MAGI2: variants seen among roughly 807,000 people sequenced by gnomAD.
MAGI2 encodes the protein membrane-associated guanylate kinase, WW and PDZ domain-containing protein 2.
MAGI2 carries 35 observed loss-of-function variants against 133.3 expected under a neutral mutation model. The observed-to-expected ratio is 0.26, with a 90% confidence interval of 0.20 to 0.35. The LOEUF (loss-of-function observed/expected upper bound fraction) is 0.35, where lower values mean the gene tolerates loss of function less well. Among genes scored for constraint, MAGI2 ranks in the 10% least tolerant of loss-of-function variants. MAGI2 has a pLI of 1.00. For synonymous variants in MAGI2, 729 were observed against 710.6 expected (o/e 1.03, Z -0.41); for missense variants, 1,636 against 1,863.4 (o/e 0.88, Z 2.25).
At chr7:79,103,425 G>C (rs1818164491) in intron 1 of MAGI2, among the ~76,000 whole-genome samples, 1 of 151,956 alleles carries the variant, frequency 6.6e-6, no homozygotes, top group African/African-American at 2.4e-5. Flanking sequence ...TAAAGCATAG[G>C]GTTGATTGTA....
intron 1 of MAGI2, among the ~76,000 whole-genome samples, chr7:79,358,579 T>C (rs1386767229): frequency 6.6e-6 from 1 of 152,034 alleles, no homozygotes; most frequent in Admixed American, 6.6e-5. Flanking sequence ...AATGACCCAG[T>C]CTAGAAAACT....
At chr7:79,307,718 G>T (rs1272708316) in intron 1 of MAGI2, among the ~76,000 whole-genome samples, 1 of 152,168 alleles carries the variant, frequency 6.6e-6, no homozygotes, top group Non-Finnish European at 1.5e-5. Flanking sequence ...TTGGTTAAAA[G>T]AATGTGGCCT....
At chr7:78,361,733 A>T (rs188350185) in intron 7 of MAGI2, among the ~76,000 whole-genome samples, 2 of 152,328 alleles carry the variant, frequency 1.3e-5, no homozygotes, top group African/African-American at 4.8e-5. Flanking sequence ...AAGGTTGTTG[A>T]TAAGATGTAA....
chr7:78,268,144 TTTC>T, intron 9 of MAGI2, among the ~76,000 whole-genome samples: 1 of 152,166 alleles, frequency 6.6e-6, no homozygotes, highest in East Asian at 1.9e-4. Flanking sequence ...ACAATGAAAA[TTTC>T]TTGCTTTTTA....
At chr7:79,279,790 T>C (rs2129557847) in intron 1 of MAGI2, among the ~76,000 whole-genome samples, 1 of 152,314 alleles carries the variant, frequency 6.6e-6, no homozygotes, top group African/African-American at 2.4e-5. Flanking sequence ...TCAGTTCAAA[T>C]TACGTGACAT....
chr7:78,921,741 C>G (rs1225814340), intron 2 of MAGI2, among the ~76,000 whole-genome samples: 1 of 151,946 alleles, frequency 6.6e-6, no homozygotes, highest in African/African-American at 2.4e-5. Context: ...AAGCGATTCT[C>G]ATGCCTCAGC....
At chr7:79,431,879 T>C (rs112364760) in intron 1 of MAGI2, among the ~76,000 whole-genome samples, 3,078 of 152,280 alleles carry the variant, frequency 0.02, 50 homozygotes, top group Middle Eastern at 0.051. Flanking sequence ...TGTAGACTTT[T>C]AAGTCAGGCA....
chr7:78,602,676 T>C (rs982549123), intron 3 of MAGI2, among the ~76,000 whole-genome samples: 9 of 152,234 alleles, frequency 5.9e-5, no homozygotes, highest in Middle Eastern at 3.4e-3. Context: ...GTATGTAAGA[T>C]TGGCCACATT....
intron 6 of MAGI2, among the ~76,000 whole-genome samples, chr7:78,446,478 A>G (rs945884516): frequency 6.6e-6 from 1 of 152,146 alleles, no homozygotes; most frequent in Non-Finnish European, 1.5e-5. Context: ...ACTTGTCCAT[A>G]TATACCACTG....
At chr7:78,440,541 G>A (rs1440556183) in intron 6 of MAGI2, among the ~76,000 whole-genome samples, 1 of 152,172 alleles carries the variant, frequency 6.6e-6, no homozygotes, top group Non-Finnish European at 1.5e-5. Context: ...AAACAGACCT[G>A]ATGCCTAGCT....
At chr7:78,022,088 G>A (rs1183178437) in intron 21 of MAGI2, among the ~76,000 whole-genome samples, 1 of 152,168 alleles carries the variant, frequency 6.6e-6, no homozygotes, top group Non-Finnish European at 1.5e-5. Flanking sequence ...GGTATCCTTG[G>A]TTACCTTAAG....
intron 9 of MAGI2, among the ~76,000 whole-genome samples, chr7:78,303,536 T>C (rs149259402): frequency 1.3e-5 from 2 of 152,258 alleles, no homozygotes; most frequent in African/African-American, 2.4e-5. Context: ...AATGAAAGCG[T>C]TGGAACTGTC....
chr7:78,233,113 A>C (rs555119856), intron 10 of MAGI2, among the ~76,000 whole-genome samples: 29 of 152,216 alleles, frequency 1.9e-4, no homozygotes, highest in Admixed American at 1.0e-3. Flanking sequence ...TCTAGAGGCC[A>C]TGGAGAACCA....
intron 2 of MAGI2, among the ~76,000 whole-genome samples, chr7:78,971,521 T>A (rs1411057630): frequency 1.3e-5 from 2 of 152,032 alleles, no homozygotes; most frequent in African/African-American, 4.8e-5. Flanking sequence ...CCCAGTTAAT[T>A]TGCATTTCAC....
At position 79,039,421 on chromosome 7, in the gene MAGI2, T is replaced by C. The variant is rs184826585; in HGVS notation, c.302-32215A>G. On this transcript the variant is annotated intron_variant, in intron 1 of 21. Coordinates refer to ENST00000354212, the MANE Select transcript of MAGI2 (RefSeq NM_012301.4). ...AATATAATGTGTCATAATTCTTTTC[T>C]TTTTTTTAATAAAAAGTTACATAGA... Among the ~76,000 whole-genome samples, 11 of 152,030 alleles carry C rather than the reference T, an allele frequency of 7.2e-5. No individual in the cohort carries two copies. In the East Asian group the frequency reaches 1.9e-3, roughly 27 times the overall value.
intron 3 of MAGI2, among the ~76,000 whole-genome samples, chr7:78,592,803 T>G (rs75990349): frequency 6.7e-6 from 1 of 148,500 alleles, no homozygotes; most frequent in African/African-American, 2.5e-5. Flanking sequence ...AGCCCTTGCA[T>G]GCCCTCCGAA....
intron 1 of MAGI2, among the ~76,000 whole-genome samples, chr7:79,420,883 T>C (rs1846907241): frequency 6.6e-6 from 1 of 152,028 alleles, no homozygotes; most frequent in Non-Finnish European, 1.5e-5. Context: ...GTAACGTTAA[T>C]GTGAATCTGT....
At chr7:78,407,701 CT>C (rs777526039) in intron 6 of MAGI2, among the ~76,000 whole-genome samples, 1 of 151,242 alleles carries the variant, frequency 6.6e-6, no homozygotes, top group Non-Finnish European at 1.5e-5. Context: ...ATATTATTGG[CT>C]TTAACATCTT....
At chr7:78,912,186 A>AAC (rs1798448784) in intron 2 of MAGI2, among the ~76,000 whole-genome samples, 1 of 152,190 alleles carries the variant, frequency 6.6e-6, no homozygotes, top group Non-Finnish European at 1.5e-5. Context: ...GGGAATATAA[A>AAC]ATTGCTAGGA....
Sources: gnomAD v4.1 joint callset for allele counts (sites outside exome capture counted in the v4.1 genomes callset) on GRCh38, gnomAD v4.1.1 for gene constraint, MANE v1.5 for transcripts, NCBI Gene and HGNC (gene_info 2026-07-23, HGNC 2026-07-21) for gene names.